The following PIEZO1 variants were observed in gnomAD, a reference collection of about 807,000 sequenced individuals.
PIEZO1 encodes piezo-type mechanosensitive ion channel component 1.
Under a neutral mutation model 297.2 loss-of-function variants are expected in PIEZO1, and 296 were observed. That is an observed-to-expected ratio of 1.00 (90% CI 0.91 to 1.10). The LOEUF (loss-of-function observed/expected upper bound fraction) is 1.10. PIEZO1 is among the 50% of genes least tolerant of loss of function. PIEZO1 has a pLI of 0.00. For missense variants in PIEZO1, 5,018 were observed against 3,455.5 expected (o/e 1.45, Z -11.34); for synonymous variants, 2,427 against 1,507.5 (o/e 1.61, Z -14.13).
intron 1 of PIEZO1, among the ~76,000 whole-genome samples, chr16:88,756,847 C>T (rs373385763): frequency 1.5e-3 from 234 of 152,032 alleles, no homozygotes; most frequent in African/African-American, 5.3e-3. Context: ...GAGGCCGAGG[C>T]GGGCAGATCA....
At chr16:88,717,366 G>A (rs746530392) in intron 44 of PIEZO1, 155 bp from the exon 45 acceptor site, 99 of 680,840 alleles carry the variant, frequency 1.5e-4, no homozygotes, top group Non-Finnish European at 2.5e-4. Flanking sequence ...GGCCAGTGGA[G>A]TAGAACTAAG....
At chr16:88,726,492 C>T (rs1274903255) in intron 26 of PIEZO1, 37 bp from the exon 27 acceptor site, 5 of 1,547,436 alleles carry the variant, frequency 3.2e-6, no homozygotes, top group Non-Finnish European at 3.5e-6. Flanking sequence ...AGGCCCAGGG[C>T]CCAGGAGCAG....
intron 5 of PIEZO1, chr16:88,738,996 G>C (rs1905453088): frequency 1.8e-6 from 1 of 555,128 alleles, no homozygotes; most frequent in Non-Finnish European, 3.2e-6. Flanking sequence ...CCCAGGGTCT[G>C]TCCTGCCAAG....
chr16:88,769,894 G>A (rs192798674), intron 1 of PIEZO1, among the ~76,000 whole-genome samples: 40 of 152,316 alleles, frequency 2.6e-4, no homozygotes, highest in African/African-American at 9.6e-4. Flanking sequence ...GGCATGGGGC[G>A]GAGTGTGGTT....
Position 88,726,301 on chromosome 16 carries a change from G to C in PIEZO1, c.3951C>G (p.Thr1317=), listed in dbSNP as rs962141447. The C allele has an allele frequency of 2.6e-6, 4 of 1,549,226 alleles. No homozygotes were observed. Among genetic ancestry groups the C allele is most frequent in the African/African-American group, 1.4e-5 (1 of 73,054 alleles). The change falls in exon 27 of 51, where the codon ACC becomes ACG. Residue 1317 remains threonine (T), a synonymous_variant. Transcript: ENST00000301015. Reference sequence around the variant, plus strand: ...AAGCTTGCCTGGAGGCTAGCAGGGCGGTGGCCTGGAGGTCGGCCCTGACGT... The same window carrying C: ...AAGCTTGCCTGGAGGCTAGCAGGGCCGTGGCCTGGAGGTCGGCCCTGACGT... ...YLHVRADLQA[T]ALLASRGFAL...
At chr16:88,752,893 C>A (rs1906461785) in intron 1 of PIEZO1, among the ~76,000 whole-genome samples, 1 of 151,500 alleles carries the variant, frequency 6.6e-6, no homozygotes, top group Non-Finnish European at 1.5e-5. Flanking sequence ...TTCATCCATT[C>A]ATCCATTCAT....
chr16:88,771,225 T>G (rs1440756047), intron 1 of PIEZO1, among the ~76,000 whole-genome samples: 1 of 152,152 alleles, frequency 6.6e-6, no homozygotes, highest in African/African-American at 2.4e-5. Context: ...CTGCACCCAG[T>G]GACCCCCCCT....
rs146375771 is a variant in PIEZO1 at position 88,717,098 on chromosome 16, C to A, written c.6585G>T (p.Ser2195=). The change falls in exon 45 of 51, where the codon TCG becomes TCT. Residue 2195 remains serine, a synonymous_variant. Transcript: ENST00000301015. ...AIIWFPLLFM[S]LVRSVVGVVN... is the part of the protein sequence containing the mutation. ...CAACCCCAACCACGGAGCGCACCAG[C>A]GACATGAAGAGCAGTGGGAACCAGA... is the stretch of plus-strand genomic sequence containing the variant. 7 of 1,551,118 alleles carry A rather than the reference C, an allele frequency of 4.5e-6. No homozygotes were observed. Among genetic ancestry groups the A allele is most frequent in the Middle Eastern group, 1.7e-4 (1 of 6,014 alleles).
chr16:88,717,897 A>C (rs1215854050), intron 44 of PIEZO1: 1 of 404,214 alleles, frequency 2.5e-6, no homozygotes, highest in African/African-American at 2.1e-5. Context: ...CTTTGAGGTC[A>C]GGAGTTTGAG....
At position 88,722,552 on chromosome 16, in the gene PIEZO1, C is replaced by A. The variant is rs3816618; in HGVS notation, c.4775+31G>T. 0.21 allele frequency: 306,272 copies of A among 1,468,628 alleles called. 37,908 individuals are homozygous for A. Among genetic ancestry groups the A allele is most frequent in the East Asian group, 0.65 (25,994 of 39,958 alleles). 91.0% of individuals were successfully genotyped at this position (1,468,628 alleles called of 1,614,324 possible). A position where few individuals can be genotyped will look rare whatever the true frequency, so the allele number is the denominator to read the frequency against. ...GGCGATGCCCACACACCAGGGGCAGCAGCTGGGGCTCGGGTCACCCCCGCA... is the reference window on the plus strand; with the variant it reads ...GGCGATGCCCACACACCAGGGGCAGAAGCTGGGGCTCGGGTCACCCCCGCA... On this transcript the variant is annotated intron_variant, in intron 35 of 50. Transcript: ENST00000301015.
At position 88,721,362 on chromosome 16, in the gene PIEZO1, C is replaced by A. The variant is rs1912437527; in HGVS notation, c.5472G>T (p.Glu1824Asp). ...CCCCTGGCCCCTCCTCGGCTCCCTG[C>A]TCCTCCTCGCCGCTCTTGTCATGCT... Reference protein sequence around the residue: ...SKEHDKSGEEEQGAEEGPGVP... With the variant: ...SKEHDKSGEEDQGAEEGPGVP... Residue 1824 changes from glutamate (E) to aspartate (D), a missense_variant, in exon 39 of 51, where the codon GAG (glutamate) becomes GAT (aspartate). Coordinates refer to ENST00000301015, the MANE Select transcript of PIEZO1 (RefSeq NM_001142864.4). 8 of 1,549,350 alleles carry A rather than the reference C, an allele frequency of 5.2e-6. No homozygotes were observed. The highest frequency in any genetic ancestry group is 7.0e-6 in the Non-Finnish European group (8 of 1,146,906).
chr16:88,763,106 G>A (rs955229371), intron 1 of PIEZO1, among the ~76,000 whole-genome samples: 5 of 152,210 alleles, frequency 3.3e-5, no homozygotes, highest in African/African-American at 1.2e-4. Context: ...GAGACACCTG[G>A]CGTTCCAGGT....
intron 2 of PIEZO1, among the ~76,000 whole-genome samples, chr16:88,747,862 C>G (rs888634884): frequency 1.2e-4 from 18 of 152,176 alleles, no homozygotes; most frequent in African/African-American, 4.3e-4. Flanking sequence ...ATCCTGACCC[C>G]ACCCCACCGG....
At chr16:88,735,325 A>C in intron 12 of PIEZO1, 79 bp from the exon 13 acceptor site, 2 of 1,007,488 alleles carry the variant, frequency 2.0e-6, no homozygotes, top group South Asian at 2.8e-5. Context: ...GCACCCTCCT[A>C]TAGCAGGGGG....
chr16:88,733,307 G>T lies in PIEZO1; in HGVS notation c.2635C>A (p.Pro879Thr). Reference sequence around the variant, plus strand: ...GTGCAGTTGCTGGAATACTCCTGGGGGTTGACAACCTTGAGCTGGTACAGC... The same window carrying T: ...GTGCAGTTGCTGGAATACTCCTGGGTGTTGACAACCTTGAGCTGGTACAGC... ...KMLYQLKVVNPQEYSSNCTEP... is the reference protein window; with the variant it reads ...KMLYQLKVVNTQEYSSNCTEP... Residue 879 changes from proline to threonine, a missense_variant, in exon 19 of 51, where the codon CCC becomes ACC. Pro to Thr is a conservative substitution (Grantham distance 38). Transcript: ENST00000301015. 1.3e-6 allele frequency: 2 copies of T among 1,548,378 alleles called. No individual in the cohort carries two copies. The highest frequency in any genetic ancestry group is 1.7e-6 in the Non-Finnish European group (2 of 1,145,286).
In PIEZO1 at chr16:88,738,066, G is replaced by A. The variant is rs1905370023; in HGVS notation, c.888C>T (p.Cys296=). ...TGAGGACCAGCGCGTGGGGGCTGGA[G>A]CAGTTGGTGGGACCCACGAAGTCCT... ...GLKDFVGPTN[C]SSPHALVLNT... is the part of the protein sequence containing the mutation. The change falls in exon 8 of 51, where the codon TGC becomes TGT. Residue 296 remains cysteine, a synonymous_variant. Coordinates refer to ENST00000301015, the MANE Select transcript of PIEZO1 (RefSeq NM_001142864.4). 8 of 1,535,840 alleles carry A rather than the reference G, an allele frequency of 5.2e-6. No homozygotes were observed. Among genetic ancestry groups the A allele is most frequent in the Non-Finnish European group, 7.0e-6 (8 of 1,146,842 alleles).
chr16:88,776,811 C>T (rs1597489718), intron 1 of PIEZO1, among the ~76,000 whole-genome samples: 1 of 152,200 alleles, frequency 6.6e-6, no homozygotes, highest in South Asian at 2.1e-4. Flanking sequence ...GCCCCTGAGC[C>T]TGTACGTCCT....
chr16:88,720,178 G>T lies in PIEZO1; in HGVS notation c.6055C>A (p.Arg2019Ser). ...ACGGTCTTGCGCAGGTAGAGGGCGC[G>T]GTCAACCACCATGGTACTGAACTGG... Reference protein sequence around the residue: ...LIQFSTMVVDRALYLRKTVLG... With the variant: ...LIQFSTMVVDSALYLRKTVLG... The change falls in exon 42 of 51, where the codon CGC (arginine) becomes AGC (serine). Residue 2019 changes from arginine to serine, a missense_variant. Physicochemically the swap from Arg to Ser is moderately radical, Grantham distance 110. Transcript: ENST00000301015. 3 of 1,550,504 alleles carry T rather than the reference G, an allele frequency of 1.9e-6. No homozygotes were observed. Among genetic ancestry groups the T allele is most frequent in the Non-Finnish European group, 2.6e-6 (3 of 1,146,966 alleles).
At chr16:88,739,517 A>C (rs1905493400) in intron 5 of PIEZO1, 2 of 152,254 alleles carry the variant, frequency 1.3e-5, no homozygotes, top group African/African-American at 4.8e-5. Flanking sequence ...GCCCGGGCTG[A>C]GACCGCAGGC....
Sources: gnomAD v4.1 joint callset for allele counts (sites outside exome capture counted in the v4.1 genomes callset) on GRCh38, gnomAD v4.1.1 for gene constraint, MANE v1.5 for transcripts, NCBI Gene and HGNC (gene_info 2026-07-23, HGNC 2026-07-21) for gene names.